The following ADGRL2 variants were observed in gnomAD, a reference collection of about 807,000 sequenced individuals.
The protein encoded by ADGRL2 is adhesion G protein-coupled receptor L2.
A neutral mutation model predicts 157.4 loss-of-function variants in ADGRL2; 44 were observed. That is an observed-to-expected ratio of 0.28 (90% confidence interval 0.22 to 0.36). ADGRL2 has a LOEUF of 0.36. ADGRL2 is among the 10% of genes least tolerant of loss of function. The pLI is 1.00. For missense variants in ADGRL2, 1,510 were observed against 1,768.9 expected, an observed-to-expected ratio of 0.85 and a Z score of 2.63; for synonymous variants, 585 against 624.7, an observed-to-expected ratio of 0.94 and a Z score of 0.95.
At chr1:81,561,463 T>G (rs1168756697) in intron 2 of ADGRL2, among the ~76,000 whole-genome samples, 4 of 151,150 alleles carry the variant, frequency 2.6e-5, no homozygotes, top group Non-Finnish European at 4.4e-5. Flanking sequence ...TGTTGTTGTT[T>G]TTGTTTTTTT....
chr1:81,924,261 A>G (rs2095054183), intron 3 of ADGRL2, among the ~76,000 whole-genome samples: 2 of 152,296 alleles, frequency 1.3e-5, no homozygotes, highest in African/African-American at 4.8e-5. Context: ...ATAGTATCCT[A>G]AGCTCTGATA....
At chr1:81,949,320 C>T (rs1650984738) in intron 6 of ADGRL2, among the ~76,000 whole-genome samples, 1 of 152,120 alleles carries the variant, frequency 6.6e-6, no homozygotes, top group South Asian at 2.1e-4. Flanking sequence ...CATTGAGCTC[C>T]ACTATTTCTT....
intron 1 of ADGRL2, among the ~76,000 whole-genome samples, chr1:81,754,449 C>T (rs899501312): frequency 4.9e-5 from 7 of 143,380 alleles, no homozygotes; most frequent in Admixed American, 1.4e-4. Flanking sequence ...TTCTCCTCCT[C>T]CTCCTCCTCC....
At chr1:81,450,413 T>C (rs2077681702) in intron 2 of ADGRL2, among the ~76,000 whole-genome samples, 1 of 152,110 alleles carries the variant, frequency 6.6e-6, no homozygotes, top group African/African-American at 2.4e-5. Context: ...ACAAAGTTCA[T>C]ATTAGAAGAA....
intron 23 of ADGRL2, among the ~76,000 whole-genome samples, 173 bp downstream of exon 23, chr1:81,988,059 C>T (rs1357817293): frequency 6.6e-6 from 1 of 152,110 alleles, no homozygotes; most frequent in African/African-American, 2.4e-5. Context: ...TCTGTACTGC[C>T]TTTTGTCAGT....
At chr1:81,770,933 T>C (rs1202065726) in intron 2 of ADGRL2, among the ~76,000 whole-genome samples, 1 of 152,172 alleles carries the variant, frequency 6.6e-6, no homozygotes, top group Admixed American at 6.5e-5. Flanking sequence ...TTTATATTTT[T>C]ATTTCTATTT....
intron 3 of ADGRL2, among the ~76,000 whole-genome samples, chr1:81,914,570 C>T (rs1305043939): frequency 6.6e-6 from 1 of 152,156 alleles, no homozygotes; most frequent in African/African-American, 2.4e-5. Context: ...CTTTTATCTA[C>T]TTGACATGTC....
intron 2 of ADGRL2, among the ~76,000 whole-genome samples, chr1:81,468,219 A>G (rs1320483292): frequency 6.6e-6 from 1 of 152,208 alleles, no homozygotes; most frequent in African/African-American, 2.4e-5. Context: ...TTGACCAGTA[A>G]TTGATAATTG....
At chr1:81,451,355 C>T (rs1474483056) in intron 2 of ADGRL2, among the ~76,000 whole-genome samples, 1 of 152,122 alleles carries the variant, frequency 6.6e-6, no homozygotes, top group African/African-American at 2.4e-5. Context: ...TTGCATTTTT[C>T]ATTGATCTCT....
intron 2 of ADGRL2, among the ~76,000 whole-genome samples, chr1:81,768,095 G>A (rs1371940848): frequency 6.6e-6 from 1 of 151,964 alleles, no homozygotes; most frequent in African/African-American, 2.4e-5. Context: ...GCCCAGGCTG[G>A]AGTGCAGTGG....
At chr1:81,732,297 A>C (rs374393766) in intron 1 of ADGRL2, among the ~76,000 whole-genome samples, 2 of 152,228 alleles carry the variant, frequency 1.3e-5, no homozygotes, top group Admixed American at 1.3e-4. Context: ...CATCAGCTAC[A>C]TATCTCAACA....
chr1:81,557,044 G>GA (rs1177690464), intron 2 of ADGRL2: 2,634 of 175,168 alleles, frequency 0.015, 77 homozygotes, highest in African/African-American at 0.06. Flanking sequence ...AAGAAAGAAA[G>GA]AAGAAGAAGA....
At chr1:81,640,385 G>A (rs142554025) in intron 3 of ADGRL2, among the ~76,000 whole-genome samples, 245 of 151,932 alleles carry the variant, frequency 1.6e-3, no homozygotes, top group African/African-American at 5.6e-3. Context: ...CTGTAATCCC[G>A]GCACTTTGAG....
At chr1:81,961,039 C>T (rs933792289) in intron 11 of ADGRL2, among the ~76,000 whole-genome samples, 3 of 152,150 alleles carry the variant, frequency 2.0e-5, no homozygotes, top group African/African-American at 4.8e-5. Context: ...GGTCATAGTT[C>T]TTCCTCTTTC....
chr1:81,774,258 C>A (rs1166424959), intron 2 of ADGRL2, among the ~76,000 whole-genome samples: 1 of 152,218 alleles, frequency 6.6e-6, no homozygotes, highest in Non-Finnish European at 1.5e-5. Context: ...CCTCTCTCTT[C>A]CTTCCATTAC....
intron 1 of ADGRL2, among the ~76,000 whole-genome samples, chr1:81,403,000 TC>T (rs2076783875): frequency 6.6e-6 from 1 of 152,220 alleles, no homozygotes; most frequent in African/African-American, 2.4e-5. Flanking sequence ...GAGAAGACAC[TC>T]ACTTTGCAAA....
intron 3 of ADGRL2, among the ~76,000 whole-genome samples, chr1:81,693,248 C>T (rs889100778): frequency 1.3e-5 from 2 of 152,122 alleles, no homozygotes; most frequent in South Asian, 2.1e-4. Flanking sequence ...ATCCAGTCTA[C>T]CTGCCACTCT....
chr1:81,665,605 A>G (rs2082736228), intron 3 of ADGRL2, among the ~76,000 whole-genome samples: 1 of 152,100 alleles, frequency 6.6e-6, no homozygotes, highest in Admixed American at 6.5e-5. Context: ...TCCTGTTGAG[A>G]AGCATGTTAG....
chr1:81,952,184 A>G, intron 9 of ADGRL2, 42 bp downstream of exon 9: 1 of 1,496,610 alleles, frequency 6.7e-7, no homozygotes, highest in Non-Finnish European at 9.1e-7. Flanking sequence ...GACACTTGGT[A>G]TGGCAGCTCT....
Sources: allele counts gnomAD v4.1 joint callset (sites outside exome capture counted in the v4.1 genomes callset), GRCh38; gene constraint gnomAD v4.1.1; transcripts MANE v1.5; gene names NCBI Gene and HGNC (gene_info 2026-07-23, HGNC 2026-07-21).